Variants in PDZD7 observed in about 807,000 individuals in gnomAD.
PDZD7 encodes the protein PDZ domain-containing protein 7.
A neutral mutation model predicts 84.7 loss-of-function variants in PDZD7; 72 were observed. The ratio of observed to expected loss-of-function variants is 0.85; its 90% CI spans 0.70 to 1.03. The LOEUF (loss-of-function observed/expected upper bound fraction) is 1.03, where lower values mean the gene tolerates loss of function less well. PDZD7 is among the 50% of genes least tolerant of loss of function. The pLI, the probability that PDZD7 is intolerant of heterozygous loss-of-function variation, is 0.00. For synonymous variants in PDZD7, 594 were observed against 580.7 expected (o/e 1.02, Z -0.33); for missense variants, 1,490 against 1,412.9 (o/e 1.05, Z -0.87).
At chr10:101,030,537 A>G in intron 1 of PDZD7, 153 bp from the exon 2 acceptor site, 1 of 534,098 alleles carries the variant, frequency 1.9e-6, no homozygotes, top group South Asian at 2.0e-5. Context: ...TGCCCCGTCC[A>G]GGCACCATCT....
chr10:101,011,520 C>T (rs1852392481), intron 14 of PDZD7, 170 bp downstream of exon 14: 1 of 1,435,856 alleles, frequency 7.0e-7, no homozygotes, highest in African/African-American at 1.4e-5. Context: ...AGGTGGTGAC[C>T]AGCAGATGTG....
At position 101,028,345 on chromosome 10, in the gene PDZD7, T is replaced by C. The variant is rs572618571; in HGVS notation, c.226+1649A>G. On this transcript the variant is annotated intron_variant, in intron 2 of 16. Transcript: ENST00000619208. ...GCTCATGCCTATAATCCCAGCACTT[T>C]GGGAGGCTGAGGCCGGAAGATCACT... Among the ~76,000 whole-genome samples the C allele has an allele frequency of 3.3e-5, 5 of 152,250 alleles. No homozygotes were observed. In the East Asian group the frequency reaches 9.7e-4, roughly 29 times the overall value.
Position 101,016,518 on chromosome 10 carries a change from T to C in PDZD7, c.1523-91A>G, listed in dbSNP as rs1039415243. 2.5e-5 allele frequency: 34 copies of C among 1,375,330 alleles called. No homozygotes were observed. The Admixed American group carries it at 5.2e-4, about 21-fold the overall frequency. 85.2% of individuals were successfully genotyped at this position (1,375,330 alleles called of 1,614,324 possible). A position where few individuals can be genotyped will look rare whatever the true frequency, so the allele number is the denominator to read the frequency against. On this transcript the variant is annotated intron_variant, in intron 9 of 16. Coordinates refer to ENST00000619208, the MANE Select transcript of PDZD7 (RefSeq NM_001195263.2). ...GCTCAGGACAAGCTGGAATGGAGAA[T>C]TCAGACTGGAAGTAGGTGGGATAGG...
chr10:101,009,737 A>T (rs200564939), intron 15 of PDZD7, among the ~76,000 whole-genome samples: 1 of 147,160 alleles, frequency 6.8e-6, no homozygotes, highest in Non-Finnish European at 1.5e-5. Context: ...CCTCCCTAGT[A>T]GCTGGGATTA....
At chr10:101,030,455 C>G (rs956465065) in intron 1 of PDZD7, 71 bp from the exon 2 acceptor site, 5 of 652,718 alleles carry the variant, frequency 7.7e-6, no homozygotes, top group Non-Finnish European at 1.4e-5. Flanking sequence ...ACTTCCACCC[C>G]TCCCCCTGGT....
intron 15 of PDZD7, 72 bp downstream of exon 15, chr10:101,010,200 C>T: frequency 1.4e-6 from 2 of 1,452,758 alleles, no homozygotes; most frequent in South Asian, 1.4e-5. Context: ...TGGCCCAATA[C>T]TCCTCCAGAT....
chr10:101,012,031 G>C lies in PDZD7; in HGVS notation c.1842-15C>G, dbSNP rs1264039301. 1 of 1,548,082 alleles carries C rather than the reference G, an allele frequency of 6.5e-7. No homozygotes were observed. The highest frequency in any genetic ancestry group is 2.0e-5 in the Admixed American group (1 of 50,978). On this transcript the variant is annotated splice_polypyrimidine_tract_variant and intron_variant, in intron 12 of 16. Transcript: ENST00000619208. ...CCACCACACTCCTGGGAGAGGGCGAGAGACAGCAGGGGTGGGAGGGGCAGG... is the reference window on the plus strand; with the variant it reads ...CCACCACACTCCTGGGAGAGGGCGACAGACAGCAGGGGTGGGAGGGGCAGG...
chr10:101,018,961 G>A lies in PDZD7; in HGVS notation c.1185C>T (p.Thr395=), dbSNP rs1322544217. ...GATGGGGGCCGTCCGAGCGGATGGC[G>A]GTGTCCCTGAGGATGACTGTGGGCC... ...SVRPTVILRD[T]AIRSDGPHPG... Residue 395 remains threonine, a synonymous_variant, in exon 8 of 17, where the codon ACC becomes ACT. Coordinates refer to ENST00000619208, the MANE Select transcript of PDZD7 (RefSeq NM_001195263.2). The A allele has an allele frequency of 1.3e-6, 2 of 1,595,784 alleles. No homozygotes were observed. The highest frequency in any genetic ancestry group is 2.3e-5 in the East Asian group (1 of 44,150).
Position 101,012,266 on chromosome 10 carries a change from T to C in PDZD7, c.1750-8A>G, listed in dbSNP as rs1239672763. The C allele has an allele frequency of 1.3e-6, 2 of 1,548,160 alleles. No homozygotes were observed. Among genetic ancestry groups the C allele is most frequent in the Non-Finnish European group, 1.7e-6 (2 of 1,145,652 alleles). ...GCCTCCCTCGTGCACATACTGCAGA[T>C]AGAGGCAGCACAGGTCAGACAGCAG... On this transcript the variant is annotated splice_polypyrimidine_tract_variant and splice_region_variant and intron_variant, in intron 11 of 16. Transcript: ENST00000619208.
In PDZD7 at chr10:101,019,728, C is replaced by T. The variant is rs778294777; in HGVS notation, c.929-511G>A. Among the ~76,000 whole-genome samples, 7 of 151,490 alleles carry T rather than the reference C, an allele frequency of 4.6e-5. No homozygotes were observed. In the East Asian group the frequency reaches 5.8e-4, roughly 13 times the overall value. On this transcript the variant is annotated intron_variant, in intron 7 of 16. Coordinates refer to ENST00000619208, the MANE Select transcript of PDZD7 (RefSeq NM_001195263.2). The stretch of plus-strand genomic sequence containing the variant: ...GCAACCTCTACTTCCTGAGTTCAAG[C>T]GATTCTTGTGCCTCAGCTTCCCAAG...
intron 14 of PDZD7, 126 bp from the exon 15 acceptor site, chr10:101,011,009 C>T: frequency 6.7e-7 from 1 of 1,490,680 alleles, no homozygotes; most frequent in East Asian, 2.5e-5. Flanking sequence ...CAGTGCGGCC[C>T]ACCCACCGGG....
intron 10 of PDZD7, 113 bp downstream of exon 10, chr10:101,016,264 C>T (rs1852620649): frequency 9.2e-7 from 1 of 1,085,742 alleles, no homozygotes; most frequent in African/African-American, 1.6e-5. Flanking sequence ...CCTGATCCCC[C>T]ATGCTTGACC....
At chr10:101,024,613 A>G (rs1437886154) in intron 2 of PDZD7, among the ~76,000 whole-genome samples, 3 of 151,802 alleles carry the variant, frequency 2.0e-5, no homozygotes, top group African/African-American at 7.3e-5. Context: ...ACAGGACTCT[A>G]TGCTAAAGAC....
chr10:101,024,851 G>C (rs563467610), intron 2 of PDZD7, among the ~76,000 whole-genome samples: 1 of 151,790 alleles, frequency 6.6e-6, no homozygotes, highest in African/African-American at 2.4e-5. Context: ...GTGTGTGTGT[G>C]TGTGTGTGTG....
At position 101,008,486 on chromosome 10, in the gene PDZD7, G is replaced by A; in HGVS notation, c.3083C>T (p.Pro1028Leu). The A allele has an allele frequency of 1.3e-6, 2 of 1,523,558 alleles. No individual in the cohort carries two copies. The allele number at this position is 1,523,558 out of a possible 1,614,324, so 94.4% of individuals were successfully genotyped here. A position where few individuals can be genotyped will look rare whatever the true frequency, so the allele number is the denominator to read the frequency against. The change falls in exon 17 of 17, where the codon CCC becomes CTC. Residue 1028 changes from proline (P) to leucine (L), a missense_variant. Pro to Leu is a moderately conservative substitution (Grantham distance 98). Coordinates refer to ENST00000619208, the MANE Select transcript of PDZD7 (RefSeq NM_001195263.2). Reference protein sequence around the residue: ...ALQTPDSKPAPSPRIP With the variant: ...ALQTPDSKPALSPRIP Reference sequence around the variant, plus strand: ...GGAGGGTCATGGGATGCGTGGGGAGGGTGCGGGCTTAGAATCAGGAGTCTG... The same window carrying A: ...GGAGGGTCATGGGATGCGTGGGGAGAGTGCGGGCTTAGAATCAGGAGTCTG...
rs2134110637 is a variant in PDZD7 at position 101,024,682 on chromosome 10, G to A, written c.227-614C>T. ...TGTGGTCCCAGCTACACGGAAGGCT[G>A]AGGCAGGAGCCCAGGAGGTCGAGGC... is the stretch of plus-strand genomic sequence containing the variant. On this transcript the variant is annotated intron_variant, in intron 2 of 16. Transcript: ENST00000619208. 1.3e-5 allele frequency among the ~76,000 whole-genome samples: 2 copies of A among 151,264 alleles called. 1 individual carries two copies. The highest frequency in any genetic ancestry group is 4.2e-4 in the South Asian group (2 of 4,758).
intron 10 of PDZD7, 102 bp downstream of exon 10, chr10:101,016,275 C>T (rs1344310492): frequency 2.4e-6 from 3 of 1,234,762 alleles, no homozygotes; most frequent in African/African-American, 1.5e-5. Flanking sequence ...ATGCTTGACC[C>T]TGACTGAATT....
intron 2 of PDZD7, among the ~76,000 whole-genome samples, chr10:101,027,819 G>T (rs567058095): frequency 6.6e-6 from 1 of 152,206 alleles, no homozygotes; most frequent in African/African-American, 2.4e-5. Context: ...GTTGGACAGT[G>T]CTTGGTATTT....
At chr10:101,023,230 G>A in intron 4 of PDZD7, 1 of 635,218 alleles carries the variant, frequency 1.6e-6, no homozygotes, top group South Asian at 1.8e-5. Flanking sequence ...GAACCACTGG[G>A]ATCTGGGAGA....
Sources: allele counts gnomAD v4.1 joint callset (sites outside exome capture counted in the v4.1 genomes callset), GRCh38; gene constraint gnomAD v4.1.1; transcripts MANE v1.5; gene names NCBI Gene and HGNC (gene_info 2026-07-23, HGNC 2026-07-21).